UBXN4: variants seen among roughly 807,000 people sequenced by gnomAD.
The protein encoded by UBXN4 is UBX domain-containing protein 4.
A neutral mutation model predicts 66.2 loss-of-function variants in UBXN4; 35 were observed. The observed-to-expected ratio is 0.53, with a 90% CI of 0.40 to 0.70. The LOEUF is 0.70. Ranked by LOEUF, UBXN4 falls within the 30% of genes least tolerant of loss-of-function variation. UBXN4 has a pLI of 0.00. For missense variants in UBXN4, 533 were observed against 599.8 expected (o/e 0.89, Z 1.16); for synonymous variants, 203 against 204.5 (o/e 0.99, Z 0.06).
rs937928872 is a variant in UBXN4, at chr2:135,783,040, T to G, written c.*153T>G. The G allele has an allele frequency of 1.3e-6, 1 of 750,218 alleles. No individual in the cohort carries two copies. The highest frequency in any genetic ancestry group is 1.8e-5 in the African/African-American group (1 of 56,706). 46.5% of individuals were successfully genotyped at this position (750,218 alleles called of 1,614,324 possible). A position where few individuals can be genotyped will look rare whatever the true frequency, so the allele number is the denominator to read the frequency against. On this transcript the variant is annotated 3_prime_UTR_variant, in exon 13 of 13. Coordinates refer to ENST00000272638, the MANE Select transcript of UBXN4 (RefSeq NM_014607.4). ...TTAGTGGGTGTGGGTTGAAGGTGTTTAACTCAGAAAAGTAAAGACAGGAAA... is the reference window on the plus strand; with the variant it reads ...TTAGTGGGTGTGGGTTGAAGGTGTTGAACTCAGAAAAGTAAAGACAGGAAA...
At chr2:135,746,088 G>T (rs2077206268) in intron 1 of UBXN4, among the ~76,000 whole-genome samples, 1 of 151,726 alleles carries the variant, frequency 6.6e-6, no homozygotes, top group African/African-American at 2.4e-5. Context: ...GTGTTGGCCG[G>T]GATGATCTAG....
chr2:135,766,086 G>C (rs1417413538), intron 6 of UBXN4, among the ~76,000 whole-genome samples: 2 of 151,686 alleles, frequency 1.3e-5, no homozygotes, highest in East Asian at 3.9e-4. Flanking sequence ...CCAGGACGTA[G>C]AGATTGCAGT....
chr2:135,764,803 G>A (rs2077337405), intron 6 of UBXN4, among the ~76,000 whole-genome samples: 2 of 151,186 alleles, frequency 1.3e-5, no homozygotes, highest in Non-Finnish European at 1.5e-5. Flanking sequence ...ACAGCACCTC[G>A]CCTGTGATGG....
rs151338504 is a variant in UBXN4 at position 135,755,109 on chromosome 2, A to G, written c.334-408A>G. On this transcript the variant is annotated intron_variant, in intron 4 of 12. Transcript: ENST00000272638. ...ATCTTTTACCCCAGTCTCAACACAT[A>G]ATGAATATCACCATAACTTTGTTGA... is the stretch of plus-strand genomic sequence containing the variant. 5.3e-5 allele frequency among the ~76,000 whole-genome samples: 8 copies of G among 152,354 alleles called. 1 individual carries two copies. The East Asian group carries it at 1.2e-3, about 22-fold the overall frequency.
At chr2:135,769,397 GTT>G (rs60241067) in intron 6 of UBXN4, among the ~76,000 whole-genome samples, 4 of 147,264 alleles carry the variant, frequency 2.7e-5, no homozygotes, top group African/African-American at 7.5e-5. Flanking sequence ...ATTTTTACAG[GTT>G]TTTTTTTTTT....
At position 135,784,093 on chromosome 2, in the gene UBXN4, TGC is replaced by T. The variant is rs1295186623; in HGVS notation, c.*1209_*1210del. On this transcript the variant is annotated 3_prime_UTR_variant, in exon 13 of 13. Transcript: ENST00000272638. ...TTGGCAAGGAAACAGCAACACAGGC[TGC>T]GCTGTTGGTAGGAGTGAAAACCAGT... 1 of 152,108 alleles carries T rather than the reference TGC, an allele frequency of 6.6e-6. No homozygotes were observed. Among genetic ancestry groups the T allele is most frequent in the Non-Finnish European group, 1.5e-5 (1 of 68,016 alleles). 9.4% of individuals were successfully genotyped at this position (152,108 alleles called of 1,614,324 possible). A position where few individuals can be genotyped will look rare whatever the true frequency, so the allele number is the denominator to read the frequency against.
At chr2:135,782,432 A>G (rs2077455908) in intron 12 of UBXN4, among the ~76,000 whole-genome samples, 1 of 152,250 alleles carries the variant, frequency 6.6e-6, no homozygotes, top group Admixed American at 6.5e-5. Context: ...GCTTGCATAA[A>G]TAACAAAGGA....
intron 8 of UBXN4, among the ~76,000 whole-genome samples, chr2:135,771,026 C>G (rs1010143739): frequency 2.0e-5 from 3 of 151,940 alleles, no homozygotes; most frequent in African/African-American, 7.3e-5. Flanking sequence ...GTACCTACTA[C>G]TAGTACTAAG....
At chr2:135,758,990 C>T (rs2077295587) in intron 5 of UBXN4, among the ~76,000 whole-genome samples, 2 of 152,174 alleles carry the variant, frequency 1.3e-5, no homozygotes, top group Admixed American at 1.3e-4. Context: ...AACTCCTGAC[C>T]TCAGGTGATA....
chr2:135,780,237 T>C lies in UBXN4; in HGVS notation c.1240T>C (p.Leu414=). The C allele has an allele frequency of 6.2e-7, 1 of 1,614,164 alleles. No homozygotes were observed. The highest frequency in any genetic ancestry group is 8.5e-7 in the Non-Finnish European group (1 of 1,180,030). Residue 414 remains leucine (L), a synonymous_variant, in exon 12 of 13, where the codon TTG becomes CTG. Transcript: ENST00000272638. ...VHSSSGDIWT[L]LGTVLYPFLA... ...CTCTTCCAGCGGAGACATTTGGACC[T>C]TGTTGGGAACAGTGCTTTATCCATT...
intron 6 of UBXN4, among the ~76,000 whole-genome samples, chr2:135,765,459 C>T (rs2077341311): frequency 6.6e-6 from 1 of 152,112 alleles, no homozygotes; most frequent in Non-Finnish European, 1.5e-5. Context: ...GATCTGCCCG[C>T]CTCGGCCTCC....
At chr2:135,759,951 A>T (rs1395169001) in intron 5 of UBXN4, among the ~76,000 whole-genome samples, 5 of 151,748 alleles carry the variant, frequency 3.3e-5, no homozygotes, top group African/African-American at 9.7e-5. Context: ...TATTTTTAGT[A>T]GTGATGAGGT....
At chr2:135,745,563 A>G (rs1312774199) in intron 1 of UBXN4, among the ~76,000 whole-genome samples, 1 of 152,254 alleles carries the variant, frequency 6.6e-6, no homozygotes, top group Non-Finnish European at 1.5e-5. Flanking sequence ...TTCAATGCCT[A>G]GAACAAAATA....
At chr2:135,761,744 A>C in intron 5 of UBXN4, 74 bp from the exon 6 acceptor site, 4 of 1,267,264 alleles carry the variant, frequency 3.2e-6, no homozygotes, top group Non-Finnish European at 4.3e-6. Context: ...CAGATGCTAT[A>C]ATCTGAAAGA....
At chr2:135,764,906 C>T (rs972800933) in intron 6 of UBXN4, among the ~76,000 whole-genome samples, 5 of 152,184 alleles carry the variant, frequency 3.3e-5, no homozygotes, top group Non-Finnish European at 7.3e-5. Flanking sequence ...CCTCCTCCAC[C>T]CAGTTCAAGT....
chr2:135,774,681 C>G (rs1047499093), intron 9 of UBXN4, among the ~76,000 whole-genome samples: 1 of 151,960 alleles, frequency 6.6e-6, no homozygotes, highest in Admixed American at 6.6e-5. Context: ...ACCGTCCCTA[C>G]TAAAAATACA....
At chr2:135,774,620 G>A (rs1044759233) in intron 9 of UBXN4, among the ~76,000 whole-genome samples, 1 of 152,108 alleles carries the variant, frequency 6.6e-6, no homozygotes, top group African/African-American at 2.4e-5. Flanking sequence ...TGAGGCAGGC[G>A]GATCACTTAC....
chr2:135,772,308 G>A, intron 8 of UBXN4, 112 bp from the exon 9 acceptor site: 1 of 1,311,672 alleles, frequency 7.6e-7, no homozygotes, highest in Non-Finnish European at 1.0e-6. Flanking sequence ...TGATGACACA[G>A]CAAGACCCTG....
chr2:135,765,320 C>T (rs922389262), intron 6 of UBXN4, among the ~76,000 whole-genome samples: 1 of 152,022 alleles, frequency 6.6e-6, no homozygotes, highest in African/African-American at 2.4e-5. Flanking sequence ...AGCGATTCTC[C>T]TGCCTCAGCC....
Sources: allele counts gnomAD v4.1 joint callset (sites outside exome capture counted in the v4.1 genomes callset), GRCh38; gene constraint gnomAD v4.1.1; transcripts MANE v1.5; gene names NCBI Gene and HGNC (gene_info 2026-07-23, HGNC 2026-07-21).